The following MTMR7 variants were observed in gnomAD, a reference collection of about 807,000 sequenced individuals.
MTMR7 encodes the protein myotubularin related protein 7.
A neutral mutation model predicts 81.2 loss-of-function variants in MTMR7; 76 were observed. The ratio of observed to expected loss-of-function variants is 0.94; its 90% CI spans 0.78 to 1.13. The LOEUF is 1.13. Ranked by LOEUF, MTMR7 falls within the 50% of genes most tolerant of loss-of-function variation. The pLI is 0.00. For missense variants in MTMR7, 1,044 were observed against 820.0 expected, an observed-to-expected ratio of 1.27 and a Z score of -3.34; for synonymous variants, 372 against 289.8, an observed-to-expected ratio of 1.28 and a Z score of -2.88.
intron 3 of MTMR7, among the ~76,000 whole-genome samples, chr8:17,366,112 A>G (rs2150561066): frequency 6.6e-6 from 1 of 152,296 alleles, no homozygotes; most frequent in South Asian, 2.1e-4. Context: ...GCAAGACATC[A>G]GGTACAAACT....
intron 10 of MTMR7, among the ~76,000 whole-genome samples, chr8:17,308,003 G>C (rs960692888): frequency 6.6e-6 from 1 of 151,864 alleles, no homozygotes; most frequent in Non-Finnish European, 1.5e-5. Flanking sequence ...AAACCTGCAC[G>C]TTGTGCACAT....
chr8:17,350,249 G>A (rs1819687100), intron 4 of MTMR7, among the ~76,000 whole-genome samples: 1 of 152,150 alleles, frequency 6.6e-6, no homozygotes, highest in Admixed American at 6.5e-5. Flanking sequence ...AACAACAGGG[G>A]TGTACTAGTC....
At chr8:17,404,872 C>G (rs191377223) in intron 1 of MTMR7, among the ~76,000 whole-genome samples, 5 of 152,190 alleles carry the variant, frequency 3.3e-5, no homozygotes, top group African/African-American at 1.2e-4. Context: ...GTAGCCCAAG[C>G]TGGAGTGCAG....
chr8:17,374,798 G>C (rs1820525707), intron 1 of MTMR7, among the ~76,000 whole-genome samples: 1 of 150,978 alleles, frequency 6.6e-6, no homozygotes, highest in Non-Finnish European at 1.5e-5. Flanking sequence ...GGGTGACAGA[G>C]TGAGACTCCA....
intron 11 of MTMR7, 52 bp from the exon 12 acceptor site, chr8:17,304,571 A>T (rs923599598): frequency 6.4e-7 from 1 of 1,558,152 alleles, no homozygotes; most frequent in African/African-American, 1.4e-5. Flanking sequence ...GCTTACACAC[A>T]GTAGATATGT....
chr8:17,316,997 A>C (rs1818120076), intron 7 of MTMR7, among the ~76,000 whole-genome samples: 2 of 152,212 alleles, frequency 1.3e-5, no homozygotes, highest in South Asian at 2.1e-4. Context: ...CCCATATCCC[A>C]ACTAATACTT....
chr8:17,364,616 T>C (rs1820167976), intron 3 of MTMR7, among the ~76,000 whole-genome samples: 1 of 152,030 alleles, frequency 6.6e-6, no homozygotes. Context: ...CATTCTACTC[T>C]CTGCTTCTAT....
At chr8:17,324,958 A>G (rs2150517311) in intron 7 of MTMR7, among the ~76,000 whole-genome samples, 2 of 152,246 alleles carry the variant, frequency 1.3e-5, no homozygotes, top group Middle Eastern at 6.8e-3. Context: ...TCACAGCATA[A>G]ATTTGCAGGT....
In MTMR7 at chr8:17,361,322, G is replaced by C. The variant is rs367589192; in HGVS notation, c.311-48C>G. 29 of 1,605,008 alleles carry C rather than the reference G, an allele frequency of 1.8e-5. No homozygotes were observed. In the African/African-American group the frequency reaches 3.3e-4, roughly 18 times the overall value. On this transcript the variant is annotated intron_variant, in intron 3 of 13. Coordinates refer to ENST00000180173, the MANE Select transcript of MTMR7 (RefSeq NM_004686.5). ...GTTAAATCAAGCTTAGTCAAAACCA[G>C]AGCCAAATCTCCCCGAAAACATTCT...
Position 17,297,252 on chromosome 8 carries a change from A to AAAAT in MTMR7, c.*2606_*2609dup, listed in dbSNP as rs1455865626. On this transcript the variant is annotated 3_prime_UTR_variant, in exon 14 of 14. Transcript: ENST00000180173. ...GTAGAGATTTAAAGGTTAATATCTT[A>AAAAT]AAATAGAAGAAAATTCTAAATCAAT... 6.6e-6 allele frequency: 1 copy of AAAAT among 152,162 alleles called. No individual in the cohort carries two copies. The highest frequency in any genetic ancestry group is 1.9e-4 in the East Asian group (1 of 5,196). The allele number at this position is 152,162 out of a possible 1,614,324, so 9.4% of individuals were successfully genotyped here.
Position 17,413,254 on chromosome 8 carries a change from G to A in MTMR7, c.24+15C>T. ...CTCCTCCCGTCCCTCCTCCGCCCGC[G>A]CTGGTGTCACCAACCTTGGGCGTAC... On this transcript the variant is annotated intron_variant, in intron 1 of 13. Coordinates refer to ENST00000180173, the MANE Select transcript of MTMR7 (RefSeq NM_004686.5). 6.5e-7 allele frequency: 1 copy of A among 1,548,118 alleles called. No homozygotes were observed. The highest frequency in any genetic ancestry group is 8.7e-7 in the Non-Finnish European group (1 of 1,145,016).
At chr8:17,375,537 G>A (rs569514630) in intron 1 of MTMR7, among the ~76,000 whole-genome samples, 1 of 130,490 alleles carries the variant, frequency 7.7e-6, no homozygotes, top group Non-Finnish European at 1.6e-5. Flanking sequence ...ACATTCTTTT[G>A]TATGGTTATC....
chr8:17,367,594 T>C (rs1286448092), intron 3 of MTMR7, among the ~76,000 whole-genome samples: 1 of 152,246 alleles, frequency 6.6e-6, no homozygotes, highest in Non-Finnish European at 1.5e-5. Context: ...ACCAAATTGT[T>C]ATCAATCTTT....
chr8:17,330,910 A>G (rs1377255792), intron 7 of MTMR7, among the ~76,000 whole-genome samples: 2 of 152,228 alleles, frequency 1.3e-5, no homozygotes, highest in Non-Finnish European at 2.9e-5. Flanking sequence ...CTTTGACCTT[A>G]GATGTTCAGT....
At chr8:17,302,122 G>C in intron 13 of MTMR7, 32 bp downstream of exon 13, 1 of 1,613,606 alleles carries the variant, frequency 6.2e-7, no homozygotes, top group Non-Finnish European at 8.5e-7. Context: ...AATAAGCACA[G>C]AAAATAGATT....
chr8:17,361,677 T>G (rs1460531030), intron 3 of MTMR7, among the ~76,000 whole-genome samples: 1 of 152,158 alleles, frequency 6.6e-6, no homozygotes, highest in African/African-American at 2.4e-5. Flanking sequence ...TGGGATGGCC[T>G]CTCAGAGGCA....
chr8:17,410,517 T>C (rs952037706), intron 1 of MTMR7, among the ~76,000 whole-genome samples: 12 of 151,914 alleles, frequency 7.9e-5, no homozygotes, highest in Admixed American at 6.5e-4. Context: ...AGAAGTTCAC[T>C]GGGATGAGTA....
At chr8:17,380,591 A>G (rs1057365973) in intron 1 of MTMR7, among the ~76,000 whole-genome samples, 2 of 150,772 alleles carry the variant, frequency 1.3e-5, no homozygotes, top group Admixed American at 6.6e-5. Context: ...AAAAAGGACC[A>G]TGCATAATTT....
chr8:17,346,243 C>G lies in MTMR7; in HGVS notation c.597+2710G>C, dbSNP rs546764518. 2.8e-4 allele frequency: 42 copies of G among 152,224 alleles called. 1 individual carries two copies. Among genetic ancestry groups the G allele is most frequent in the African/African-American group, 9.9e-4 (41 of 41,540 alleles). 9.4% of individuals were successfully genotyped at this position (152,224 alleles called of 1,614,324 possible). A position where few individuals can be genotyped will look rare whatever the true frequency, so the allele number is the denominator to read the frequency against. On this transcript the variant is annotated intron_variant, in intron 5 of 13. Transcript: ENST00000180173. Reference sequence around the variant, plus strand: ...ATAAAACACAAATTTGATCATTATTCCACCTGCAAAATAGATTTCAGTTCA... The same window carrying G: ...ATAAAACACAAATTTGATCATTATTGCACCTGCAAAATAGATTTCAGTTCA...
Sources: allele counts gnomAD v4.1 joint callset (sites outside exome capture counted in the v4.1 genomes callset), GRCh38; gene constraint gnomAD v4.1.1; transcripts MANE v1.5; gene names NCBI Gene and HGNC (gene_info 2026-07-23, HGNC 2026-07-21).